Variants in DGKB observed in about 807,000 individuals in gnomAD.
DGKB encodes the protein diacylglycerol kinase beta.
In DGKB, 67 loss-of-function variants were observed where a neutral mutation model predicts 114.3. That is an observed-to-expected ratio of 0.59 (90% confidence interval 0.48 to 0.72). The LOEUF is 0.72. DGKB is among the 30% of genes least tolerant of loss of function. The pLI, the probability that DGKB is intolerant of heterozygous loss-of-function variation, is 0.00. For missense variants in DGKB, 907 were observed against 975.2 expected (o/e 0.93, Z 0.93); for synonymous variants, 398 against 323.1 (o/e 1.23, Z -2.49).
intron 15 of DGKB, 31 bp downstream of exon 15, chr7:14,621,347 C>G (rs1807607673): frequency 1.5e-6 from 2 of 1,365,172 alleles, no homozygotes; most frequent in African/African-American, 2.9e-5. Context: ...AAATATGAAA[C>G]CTACTAAAAT....
At chr7:14,653,859 A>T (rs1330985135) in intron 13 of DGKB, among the ~76,000 whole-genome samples, 2 of 152,072 alleles carry the variant, frequency 1.3e-5, no homozygotes, top group Non-Finnish European at 2.9e-5. Context: ...GTCTCTCAAA[A>T]ATTGGACATA....
chr7:14,671,027 G>A (rs897783776), intron 13 of DGKB, among the ~76,000 whole-genome samples: 2 of 152,056 alleles, frequency 1.3e-5, no homozygotes, highest in African/African-American at 4.8e-5. Flanking sequence ...ATAATATATC[G>A]GGTATATGCA....
At chr7:14,780,087 T>C (rs1412308078) in intron 2 of DGKB, among the ~76,000 whole-genome samples, 1 of 152,194 alleles carries the variant, frequency 6.6e-6, no homozygotes, top group Non-Finnish European at 1.5e-5. Context: ...GCTGATTCTA[T>C]GTTGGGACAC....
intron 6 of DGKB, among the ~76,000 whole-genome samples, chr7:14,712,085 C>A (rs575504719): frequency 1.3e-5 from 2 of 151,900 alleles, no homozygotes; most frequent in Non-Finnish European, 2.9e-5. Context: ...CAAATAGGAA[C>A]ACATAAGGAT....
chr7:14,356,487 G>C (rs775426009), intron 21 of DGKB, among the ~76,000 whole-genome samples: 1 of 148,538 alleles, frequency 6.7e-6, no homozygotes, highest in Non-Finnish European at 1.5e-5. Context: ...TCAGCCTCCC[G>C]AGTAGCTGGG....
At chr7:14,766,715 T>C (rs1586335826) in intron 2 of DGKB, among the ~76,000 whole-genome samples, 1 of 151,942 alleles carries the variant, frequency 6.6e-6, no homozygotes, top group African/African-American at 2.4e-5. Flanking sequence ...ATAGTGATTG[T>C]AGATAGATAA....
intron 20 of DGKB, among the ~76,000 whole-genome samples, chr7:14,543,125 T>C (rs962444976): frequency 1.3e-5 from 2 of 152,170 alleles, no homozygotes; most frequent in African/African-American, 2.4e-5. Flanking sequence ...ATTTTATTAA[T>C]ACTACAGTAT....
At chr7:14,192,252 C>G (rs1784416807) in intron 23 of DGKB, 1 of 205,804 alleles carries the variant, frequency 4.9e-6, no homozygotes, top group South Asian at 8.2e-5. Flanking sequence ...AACTGAAAAA[C>G]AAATTCACTA....
intron 21 of DGKB, among the ~76,000 whole-genome samples, chr7:14,357,241 G>T (rs1433790747): frequency 1.3e-5 from 2 of 152,144 alleles, no homozygotes; most frequent in Admixed American, 6.5e-5. Context: ...AAGTCCCTTT[G>T]TGGGTCTCTA....
intron 1 of DGKB, among the ~76,000 whole-genome samples, chr7:14,960,027 C>T (rs73288923): frequency 0.018 from 2,695 of 152,092 alleles, 79 homozygotes; most frequent in African/African-American, 0.055. Context: ...ACAGGGAAGA[C>T]AACTTCATCG....
At chr7:14,371,524 T>C (rs1010157170) in intron 21 of DGKB, among the ~76,000 whole-genome samples, 43 of 152,286 alleles carry the variant, frequency 2.8e-4, no homozygotes, top group African/African-American at 9.6e-4. Context: ...TGTTTTTTAC[T>C]TGTTAAATTG....
intron 17 of DGKB, among the ~76,000 whole-genome samples, chr7:14,584,761 G>A (rs28599592): frequency 6.6e-6 from 1 of 151,566 alleles, no homozygotes; most frequent in Admixed American, 6.6e-5. Flanking sequence ...TGGGTTCAAG[G>A]GATTCTCCTG....
At chr7:14,817,593 A>G (rs905728503) in intron 2 of DGKB, among the ~76,000 whole-genome samples, 1 of 152,186 alleles carries the variant, frequency 6.6e-6, no homozygotes, top group African/African-American at 2.4e-5. Context: ...TTATTGAGGC[A>G]TTTCATATAT....
chr7:14,259,429 G>A (rs1473182427), intron 23 of DGKB, among the ~76,000 whole-genome samples: 3 of 139,676 alleles, frequency 2.1e-5, no homozygotes, highest in African/African-American at 8.3e-5. Context: ...ATATATATAT[G>A]GTTTTGTTTT....
intron 23 of DGKB, among the ~76,000 whole-genome samples, chr7:14,307,090 A>C (rs1804600156): frequency 7.8e-6 from 1 of 128,544 alleles, no homozygotes; most frequent in Admixed American, 7.5e-5. Flanking sequence ...TTTCTTTTCC[A>C]CCTTATTTCT....
At chr7:14,432,453 A>C (rs966288813) in intron 21 of DGKB, among the ~76,000 whole-genome samples, 4 of 152,174 alleles carry the variant, frequency 2.6e-5, no homozygotes, top group African/African-American at 9.7e-5. Flanking sequence ...ATATACTCCT[A>C]AATTAATTCC....
At chr7:14,467,570 A>G (rs1272361975) in intron 21 of DGKB, among the ~76,000 whole-genome samples, 1 of 152,278 alleles carries the variant, frequency 6.6e-6, no homozygotes, top group East Asian at 1.9e-4. Context: ...TACATATCCC[A>G]ATATGAAAAC....
chr7:14,663,019 C>T (rs1817435458), intron 13 of DGKB, among the ~76,000 whole-genome samples: 1 of 151,916 alleles, frequency 6.6e-6, no homozygotes, highest in Non-Finnish European at 1.5e-5. Flanking sequence ...AAGCAATTTT[C>T]ATGAATTAAC....
intron 1 of DGKB, among the ~76,000 whole-genome samples, chr7:14,877,353 T>G (rs1401597557): frequency 6.6e-6 from 1 of 152,060 alleles, no homozygotes; most frequent in Non-Finnish European, 1.5e-5. Flanking sequence ...GTCAGGAGTT[T>G]GAGACTAGCC....
Sources: allele counts gnomAD v4.1 joint callset (sites outside exome capture counted in the v4.1 genomes callset), GRCh38; gene constraint gnomAD v4.1.1; transcripts MANE v1.5; gene names NCBI Gene and HGNC (gene_info 2026-07-23, HGNC 2026-07-21).